The following TMEM232 variants were observed in gnomAD, a reference collection of about 807,000 sequenced individuals.
TMEM232 encodes the protein transmembrane protein 232.
Under a neutral mutation model 78.8 loss-of-function variants are expected in TMEM232, and 80 were observed. The ratio of observed to expected loss-of-function variants is 1.01; its 90% CI spans 0.85 to 1.22. The LOEUF is 1.22. Among genes scored for constraint, TMEM232 ranks in the 50% most tolerant of loss-of-function variants. The pLI is 0.00. For missense variants in TMEM232, 881 were observed against 742.2 expected (o/e 1.19, Z -2.17); for synonymous variants, 297 against 254.3 (o/e 1.17, Z -1.60).
intron 12 of TMEM232, among the ~76,000 whole-genome samples, chr5:110,448,549 A>G (rs1487729221): frequency 2.0e-5 from 3 of 152,064 alleles, no homozygotes; most frequent in Non-Finnish European, 4.4e-5. Context: ...ATTGAATAAA[A>G]ACAGAATGTT....
chr5:110,472,879 GA>G (rs1409046460), intron 12 of TMEM232, among the ~76,000 whole-genome samples: 1 of 151,776 alleles, frequency 6.6e-6, no homozygotes, highest in Non-Finnish European at 1.5e-5. Context: ...ACATTCAGAA[GA>G]ATAAAATTTG....
intron 12 of TMEM232, among the ~76,000 whole-genome samples, chr5:110,458,711 T>G (rs961034851): frequency 6.6e-6 from 1 of 152,248 alleles, no homozygotes; most frequent in Admixed American, 6.5e-5. Flanking sequence ...TGTACTTTTA[T>G]TAGTTTTTAA....
intron 2 of TMEM232, among the ~76,000 whole-genome samples, chr5:110,400,146 T>G (rs1487367133): frequency 1.3e-5 from 2 of 152,146 alleles, no homozygotes; most frequent in Non-Finnish European, 2.9e-5. Context: ...TCCCCTCTTA[T>G]AGGTCAGGTC....
chr5:110,640,954 G>A lies in TMEM232; in HGVS notation c.280C>T (p.His94Tyr). Residue 94 changes from histidine (H) to tyrosine (Y), a missense_variant, in exon 4 of 14, where the codon CAT becomes TAT. Physicochemically the swap from His to Tyr is moderately conservative, Grantham distance 83 (BLOSUM62 2). Transcript: ENST00000455884. Reference sequence around the variant, plus strand: ...ACTTCAGTCCATGCAGCAGGAAGATGCACATGCCTTCCAGAGCCCAGGGTT... The same window carrying A: ...ACTTCAGTCCATGCAGCAGGAAGATACACATGCCTTCCAGAGCCCAGGGTT... ...LKTLGSGRHV[H>Y]LPAAWTEVIY... 1.9e-6 allele frequency: 3 copies of A among 1,539,540 alleles called. No homozygotes were observed. The highest frequency in any genetic ancestry group is 2.6e-6 in the Non-Finnish European group (3 of 1,140,964).
At chr5:110,691,712 A>C (rs1383613657) in intron 1 of TMEM232, among the ~76,000 whole-genome samples, 1 of 152,212 alleles carries the variant, frequency 6.6e-6, no homozygotes, top group Non-Finnish European at 1.5e-5. Flanking sequence ...TCCAGATCAT[A>C]AGAAACCTAC....
chr5:110,487,816 T>C (rs1291303441), intron 12 of TMEM232, among the ~76,000 whole-genome samples: 8 of 152,216 alleles, frequency 5.3e-5, no homozygotes, highest in South Asian at 2.1e-4. Flanking sequence ...TCTGACTTCA[T>C]AGAATGAATT....
At chr5:110,412,232 C>A (rs750162543) in intron 2 of TMEM232, among the ~76,000 whole-genome samples, 1 of 152,080 alleles carries the variant, frequency 6.6e-6, no homozygotes, top group Non-Finnish European at 1.5e-5. Flanking sequence ...ACATTTGATG[C>A]CGAAGGCTTT....
At chr5:110,431,882 C>T (rs1272540557) in intron 12 of TMEM232, among the ~76,000 whole-genome samples, 1 of 151,328 alleles carries the variant, frequency 6.6e-6, no homozygotes, top group Admixed American at 6.6e-5. Context: ...ACAGCAGAGA[C>T]ATATATGAGA....
At chr5:110,524,402 A>G (rs1770178996) in intron 12 of TMEM232, among the ~76,000 whole-genome samples, 1 of 65,752 alleles carries the variant, frequency 1.5e-5, no homozygotes, top group South Asian at 4.9e-4. Context: ...AAAGAAAGAA[A>G]GAAAGAAAGA....
intron 11 of TMEM232, among the ~76,000 whole-genome samples, chr5:110,547,218 TAA>T (rs1331333459): frequency 6.6e-6 from 1 of 152,220 alleles, no homozygotes; most frequent in Admixed American, 6.5e-5. Context: ...TAACTTAGTC[TAA>T]GTTTCCATTA....
intron 4 of TMEM232, among the ~76,000 whole-genome samples, chr5:110,639,648 A>G (rs1469552280): frequency 1.3e-5 from 2 of 152,204 alleles, no homozygotes; most frequent in African/African-American, 2.4e-5. Flanking sequence ...CAGGAAATGT[A>G]GCTGTCTTTA....
chr5:110,735,039 G>A (rs558531368), intron 1 of TMEM232: 1 of 152,270 alleles, frequency 6.6e-6, no homozygotes, highest in East Asian at 1.9e-4. Flanking sequence ...AAATAAAATA[G>A]TGTATAGTTG....
intron 3 of TMEM232, 38 bp downstream of exon 3, chr5:110,642,222 A>T: frequency 7.7e-7 from 1 of 1,290,756 alleles, no homozygotes; most frequent in South Asian, 1.4e-5. Flanking sequence ...ACTAGAAAGG[A>T]AGTTAACATG....
intron 12 of TMEM232, among the ~76,000 whole-genome samples, chr5:110,470,925 A>G (rs182375228): frequency 1.3e-4 from 20 of 152,310 alleles, no homozygotes; most frequent in African/African-American, 4.6e-4. Flanking sequence ...CCAGAAAAGA[A>G]ATTCAAAATA....
At chr5:110,542,123 T>C (rs1773208933) in intron 11 of TMEM232, among the ~76,000 whole-genome samples, 1 of 152,180 alleles carries the variant, frequency 6.6e-6, no homozygotes, top group Non-Finnish European at 1.5e-5. Context: ...ACTACACCTG[T>C]GAACTTGTGA....
intron 12 of TMEM232, among the ~76,000 whole-genome samples, chr5:110,428,306 C>G (rs1757465095): frequency 6.6e-6 from 1 of 151,850 alleles, no homozygotes; most frequent in South Asian, 2.1e-4. Flanking sequence ...TTTAGACAGG[C>G]CTCTGACCTC....
At chr5:110,405,587 AAAAT>A (rs1755759679) in intron 2 of TMEM232, among the ~76,000 whole-genome samples, 1 of 151,684 alleles carries the variant, frequency 6.6e-6, no homozygotes, top group Non-Finnish European at 1.5e-5. Flanking sequence ...TAAAATAAAA[AAAAT>A]TGATTAAAAT....
intron 1 of TMEM232, among the ~76,000 whole-genome samples, chr5:110,709,611 TA>T (rs1179036870): frequency 6.6e-6 from 1 of 152,004 alleles, no homozygotes; most frequent in African/African-American, 2.4e-5. Context: ...ACGTGAAAAT[TA>T]AACGATGCGC....
chr5:110,487,339 G>A (rs1284621659), intron 12 of TMEM232, among the ~76,000 whole-genome samples: 1 of 151,866 alleles, frequency 6.6e-6, no homozygotes, highest in Non-Finnish European at 1.5e-5. Context: ...AGGACTTCCA[G>A]TAATATGTTG....
Sources: gnomAD v4.1 joint callset for allele counts (sites outside exome capture counted in the v4.1 genomes callset) on GRCh38, gnomAD v4.1.1 for gene constraint, MANE v1.5 for transcripts, NCBI Gene and HGNC (gene_info 2026-07-23, HGNC 2026-07-21) for gene names.